AK9: variants seen among roughly 807,000 people sequenced by gnomAD.
AK9 encodes adenylate kinase 9.
In AK9, 191 loss-of-function variants were observed where a neutral mutation model predicts 239.6. That is an observed-to-expected ratio of 0.80 (90% CI 0.71 to 0.90). The LOEUF (loss-of-function observed/expected upper bound fraction) is 0.90, where lower values mean the gene tolerates loss of function less well. Among genes scored for constraint, AK9 ranks in the 40% least tolerant of loss-of-function variants. The pLI, the probability that AK9 is intolerant of heterozygous loss-of-function variation, is 0.00. For missense variants in AK9, 1,995 were observed against 2,214.7 expected, an observed-to-expected ratio of 0.90 and a Z score of 1.99; for synonymous variants, 689 against 721.0, an observed-to-expected ratio of 0.96 and a Z score of 0.71.
At chr6:109,602,657 CCTG>C (rs1466864080) in intron 17 of AK9, among the ~76,000 whole-genome samples, 1 of 152,126 alleles carries the variant, frequency 6.6e-6, no homozygotes, top group Non-Finnish European at 1.5e-5. Context: ...TGGATAATAT[CCTG>C]CAGTGTTTTC....
In AK9 at chr6:109,592,593, C is replaced by T. The variant is rs1470925018; in HGVS notation, c.1843-6521G>A. 2.0e-5 allele frequency among the ~76,000 whole-genome samples: 3 copies of T among 152,018 alleles called. No homozygotes were observed. In the East Asian group the frequency reaches 5.8e-4, roughly 30 times the overall value. Reference sequence around the variant, plus strand: ...TCCCGAGTAGCTGGGACTACAGGCGCCTGCCACCTCGCCCGGCTAATTTTT... The same window carrying T: ...TCCCGAGTAGCTGGGACTACAGGCGTCTGCCACCTCGCCCGGCTAATTTTT... On this transcript the variant is annotated intron_variant, in intron 17 of 40. Coordinates refer to ENST00000424296, the MANE Select transcript of AK9 (RefSeq NM_001145128.3).
chr6:109,602,110 C>A (rs989018973), intron 17 of AK9, among the ~76,000 whole-genome samples: 1 of 152,126 alleles, frequency 6.6e-6, no homozygotes, highest in African/African-American at 2.4e-5. Flanking sequence ...GAATTTGATC[C>A]TGTCATTATG....
intron 8 of AK9, among the ~76,000 whole-genome samples, chr6:109,647,192 A>G (rs1267538563): frequency 2.6e-5 from 4 of 152,244 alleles, no homozygotes; most frequent in Non-Finnish European, 5.9e-5. Context: ...AACGAGCAAA[A>G]TAACCAGCTA....
intron 12 of AK9, among the ~76,000 whole-genome samples, chr6:109,624,469 C>T (rs948892872): frequency 6.6e-6 from 1 of 152,150 alleles, no homozygotes; most frequent in Non-Finnish European, 1.5e-5. Flanking sequence ...TATTAGACTT[C>T]GTTTGCCTGA....
intron 27 of AK9, among the ~76,000 whole-genome samples, chr6:109,541,601 A>T (rs1228075561): frequency 1.3e-5 from 2 of 152,064 alleles, no homozygotes; most frequent in Non-Finnish European, 2.9e-5. Flanking sequence ...GTAGAGACAG[A>T]GTTTCTCCAT....
Position 109,570,476 on chromosome 6 carries a change from C to A in AK9, c.2344+2966G>T, listed in dbSNP as rs530846209. ...AACCACCTATAGAATACAACATGCA[C>A]TATTTGAGTGATAGGTATGCTAAAA... On this transcript the variant is annotated intron_variant, in intron 21 of 40. Coordinates refer to ENST00000424296, the MANE Select transcript of AK9 (RefSeq NM_001145128.3). Among the ~76,000 whole-genome samples, 7 of 152,056 alleles carry A rather than the reference C, an allele frequency of 4.6e-5. No homozygotes were observed. In the South Asian group the frequency reaches 1.2e-3, roughly 27 times the overall value.
At chr6:109,552,885 G>A (rs1784529476) in intron 24 of AK9, among the ~76,000 whole-genome samples, 1 of 152,150 alleles carries the variant, frequency 6.6e-6, no homozygotes, top group South Asian at 2.1e-4. Flanking sequence ...TTTTGTATAA[G>A]GTGTAAGGAA....
chr6:109,658,727 T>C (rs1800028930), intron 7 of AK9, among the ~76,000 whole-genome samples: 1 of 152,124 alleles, frequency 6.6e-6, no homozygotes, highest in Non-Finnish European at 1.5e-5. Flanking sequence ...TAAGTTGAAA[T>C]AAAATTTTTG....
rs537779487 is a variant in AK9 at position 109,518,815 on chromosome 6, A to C, written c.3634-2173T>G. 5.3e-5 allele frequency among the ~76,000 whole-genome samples: 8 copies of C among 152,252 alleles called. No homozygotes were observed. In the East Asian group the frequency reaches 1.5e-3, roughly 29 times the overall value. On this transcript the variant is annotated intron_variant, in intron 29 of 40. Coordinates refer to ENST00000424296, the MANE Select transcript of AK9 (RefSeq NM_001145128.3). ...AATTTTTTTTCAATGAATTAAAAAA[A>C]ATTTCAGCTTTTATTTTAGATTCGG...
rs1207240360 is a variant in AK9 at position 109,509,327 on chromosome 6, C to T, written c.4333G>A (p.Ala1445Thr). Residue 1445 changes from alanine (A) to threonine (T), a missense_variant, in exon 33 of 41, where the codon GCT (alanine) becomes ACT (threonine). Around this residue, in one of 5 missense-constraint regions of AK9, gnomAD observed 1,290 missense variants for 1,392.7 expected, o/e 0.93. Coordinates refer to ENST00000424296, the MANE Select transcript of AK9 (RefSeq NM_001145128.3). ...YGLKHLSIGGALRYVLNNHPE... is the reference protein window; with the variant it reads ...YGLKHLSIGGTLRYVLNNHPE... ...TGATTGTTTAGTACATAACGCAAAG[C>T]TCCTCCTATTGATAAATGCTTTAAC... 3.2e-6 allele frequency: 5 copies of T among 1,551,602 alleles called. No homozygotes were observed. The highest frequency in any genetic ancestry group is 4.4e-6 in the Non-Finnish European group (5 of 1,147,002).
chr6:109,616,250 C>T (rs149299119), intron 13 of AK9, among the ~76,000 whole-genome samples: 1 of 152,120 alleles, frequency 6.6e-6, no homozygotes, highest in African/African-American at 2.4e-5. Flanking sequence ...CCAACTGAAA[C>T]GAAGTAAGGT....
intron 17 of AK9, among the ~76,000 whole-genome samples, chr6:109,591,861 G>A (rs1319601423): frequency 2.2e-4 from 33 of 148,212 alleles, no homozygotes; most frequent in Non-Finnish European, 2.1e-4. Context: ...TTCCTATTTA[G>A]AAAAAAAAAA....
intron 10 of AK9, among the ~76,000 whole-genome samples, chr6:109,635,941 C>A (rs139158385): frequency 6.6e-6 from 1 of 152,312 alleles, no homozygotes; most frequent in African/African-American, 2.4e-5. Context: ...TTTAAAATAT[C>A]ACCATTGGTT....
chr6:109,637,200 G>A (rs1298784261), intron 10 of AK9, among the ~76,000 whole-genome samples: 3 of 152,102 alleles, frequency 2.0e-5, no homozygotes, highest in Admixed American at 2.0e-4. Context: ...ATCTTCTTTA[G>A]AGAAATGTCT....
intron 17 of AK9, among the ~76,000 whole-genome samples, chr6:109,599,844 A>T (rs1791650449): frequency 6.6e-6 from 1 of 152,122 alleles, no homozygotes; most frequent in Admixed American, 6.6e-5. Flanking sequence ...GCAATTGTGA[A>T]TGGGAGTTCA....
intron 19 of AK9, 122 bp from the exon 20 acceptor site, chr6:109,579,748 G>A: frequency 1.2e-6 from 1 of 844,986 alleles, no homozygotes; most frequent in Non-Finnish European, 1.7e-6. Flanking sequence ...ACTTTACAAT[G>A]TATATTTTTA....
At chr6:109,582,318 G>T (rs1378381058) in intron 19 of AK9, among the ~76,000 whole-genome samples, 1 of 152,104 alleles carries the variant, frequency 6.6e-6, no homozygotes, top group African/African-American at 2.4e-5. Context: ...TCTGAGCAAA[G>T]TAAATTGAAA....
chr6:109,633,255 T>C lies in AK9; in HGVS notation c.1002A>G (p.Lys334=), dbSNP rs772712867. ...AATTCACAGGACATGTACGTCCCCATTTACTTCTTTGCCATCTGTATCTTG... is the reference window on the plus strand; with the variant it reads ...AATTCACAGGACATGTACGTCCCCACTTACTTCTTTGCCATCTGTATCTTG... ...IAPRYRWQRS[K]WGRTCPVNLK... The change falls in exon 11 of 41, where the codon AAA becomes AAG. Residue 334 remains lysine (K), a synonymous_variant. Transcript: ENST00000424296. 2 of 1,610,196 alleles carry C rather than the reference T, an allele frequency of 1.2e-6. No individual in the cohort carries two copies. The highest frequency in any genetic ancestry group is 1.7e-6 in the Non-Finnish European group (2 of 1,179,286).
intron 15 of AK9, 131 bp from the exon 16 acceptor site, chr6:109,612,224 C>A: frequency 1.7e-6 from 1 of 584,140 alleles, no homozygotes; most frequent in Non-Finnish European, 3.0e-6. Flanking sequence ...AATAACAACC[C>A]TAACATTTAA....
Sources: gnomAD v4.1 joint callset for allele counts (sites outside exome capture counted in the v4.1 genomes callset) on GRCh38, gnomAD v4.1.1 for gene constraint, gnomAD v4.1.1 regional missense constraint, MANE v1.5 for transcripts, NCBI Gene and HGNC (gene_info 2026-07-23, HGNC 2026-07-21) for gene names.